Variants in TP53BP2 observed in about 807,000 individuals in gnomAD.
TP53BP2 encodes the protein tumor protein p53 binding protein 2.
Under a neutral mutation model 126.2 loss-of-function variants are expected in TP53BP2, and 62 were observed. The ratio of observed to expected loss-of-function variants is 0.49; its 90% CI spans 0.40 to 0.61. The LOEUF is 0.61. Among genes scored for constraint, TP53BP2 ranks in the 20% least tolerant of loss-of-function variants. The pLI is 0.00. For missense variants in TP53BP2, 1,215 were observed against 1,402.8 expected (o/e 0.87, Z 2.14); for synonymous variants, 485 against 502.9 (o/e 0.96, Z 0.48).
chr1:223,790,660 A>G (rs1366500667), intron 15 of TP53BP2, among the ~76,000 whole-genome samples: 2 of 149,316 alleles, frequency 1.3e-5, no homozygotes, highest in Non-Finnish European at 3.0e-5. Context: ...ACTGGAGTAC[A>G]GCAATGCAAT....
intron 8 of TP53BP2, 172 bp from the exon 9 acceptor site, chr1:223,802,516 A>G (rs1428848308): frequency 3.7e-5 from 31 of 838,142 alleles, no homozygotes; most frequent in Non-Finnish European, 4.9e-5. Context: ...TCTCACCCAC[A>G]CTTTATTACA....
chr1:223,809,587 A>G (rs932844520), intron 4 of TP53BP2, among the ~76,000 whole-genome samples: 1 of 152,102 alleles, frequency 6.6e-6, no homozygotes, highest in African/African-American at 2.4e-5. Flanking sequence ...AAAATAAAAT[A>G]AAAATAAAAA....
chr1:223,791,331 T>C (rs1482150233), intron 15 of TP53BP2, among the ~76,000 whole-genome samples: 2 of 152,100 alleles, frequency 1.3e-5, no homozygotes, highest in Non-Finnish European at 2.9e-5. Context: ...TATTAAAATA[T>C]GAATGGTGTT....
chr1:223,803,240 G>T, intron 7 of TP53BP2, 31 bp downstream of exon 7: 1 of 1,578,506 alleles, frequency 6.3e-7, no homozygotes, highest in Non-Finnish European at 8.6e-7. Flanking sequence ...AAAGGAGGTT[G>T]TACAGCTTTT....
chr1:223,800,577 C>A (rs1662494696), intron 10 of TP53BP2, 123 bp downstream of exon 10: 9 of 674,418 alleles, frequency 1.3e-5, no homozygotes, highest in South Asian at 2.2e-5. Context: ...AGAGTGAGAT[C>A]CTGTCTTTAA....
Position 223,839,012 on chromosome 1 carries a change from C to CTT in TP53BP2, c.27+6640_27+6641dup, listed in dbSNP as rs75469632. Among the ~76,000 whole-genome samples, 353 of 140,736 alleles carry CTT rather than the reference C, an allele frequency of 2.5e-3. 1 individual carries two copies. The highest frequency in any genetic ancestry group is 7.6e-3 in the African/African-American group (294 of 38,698). 92.3% of individuals were successfully genotyped at this position (140,736 alleles called of 152,430 possible). A position where few individuals can be genotyped will look rare whatever the true frequency, so the allele number is the denominator to read the frequency against. On this transcript the variant is annotated intron_variant, in intron 1 of 17. Coordinates refer to ENST00000343537, the MANE Select transcript of TP53BP2 (RefSeq NM_001031685.3). ...TAAGGGACGATGTCTCCATTTTTTTCTTTTTTTTTTTTTTCCATTTTTCCT... is the reference window on the plus strand; with the variant it reads ...TAAGGGACGATGTCTCCATTTTTTTCTTTTTTTTTTTTTTTTCCATTTTTCCT...
chr1:223,800,469 T>C lies in TP53BP2; in HGVS notation c.1336+231A>G, dbSNP rs527236884. 4.6e-5 allele frequency among the ~76,000 whole-genome samples: 7 copies of C among 151,898 alleles called. No individual in the cohort carries two copies. In the East Asian group the frequency reaches 1.4e-3, roughly 29 times the overall value. On this transcript the variant is annotated intron_variant, in intron 10 of 17. Coordinates refer to ENST00000343537, the MANE Select transcript of TP53BP2 (RefSeq NM_001031685.3). ...GGTGGCATGCACCTGTAGTACCAGC[T>C]ACTAGGGAGGCTGAGGTAGGAGAAT...
At position 223,789,035 on chromosome 1, in the gene TP53BP2, AG is replaced by A. The variant is rs767480535; in HGVS notation, c.3135del (p.Tyr1046ThrfsTer17). 2.5e-6 allele frequency: 4 copies of A among 1,614,180 alleles called. No homozygotes were observed. The highest frequency in any genetic ancestry group is 3.4e-6 in the Non-Finnish European group (4 of 1,180,006). Reference protein sequence around the residue: ...AADKCEEMEEGYTQCSQFLYG... With the variant: ...AADKCEEMEEXYTQCSQFLYG... ...TAAAGAAATTGGGAGCACTGAGTGT[AG>A]CCTTCCTCCATTTCCTCGCACTTAT... is the stretch of plus-strand genomic sequence containing the variant. On this transcript the variant is annotated frameshift_variant, in exon 16 of 18. Coordinates refer to ENST00000343537, the MANE Select transcript of TP53BP2 (RefSeq NM_001031685.3). LOFTEE classifies it high-confidence loss of function.
intron 1 of TP53BP2, 101 bp downstream of exon 1, chr1:223,845,551 GCC>G: frequency 7.9e-7 from 1 of 1,264,868 alleles, no homozygotes; most frequent in Non-Finnish European, 1.0e-6. Context: ...GCGGGCTGCG[GCC>G]CCCAGGCTCC....
In TP53BP2 at chr1:223,792,424, A is replaced by C. The variant is rs1662182689; in HGVS notation, c.2961T>G (p.Phe987Leu). ...TATCAGCAGCATTTACATTTACACC[A>C]AACTGTACCAGGAACTTAACGATTT... ...HTEIVKFLVQ[F>L]GVNVNAADSD... is the part of the protein sequence containing the mutation. The change falls in exon 15 of 18, where the codon TTT becomes TTG. Residue 987 changes from phenylalanine (F) to leucine (L), a missense_variant. This residue lies in a region of TP53BP2 where 151 missense variants were observed against 231.2 expected (regional missense o/e 0.65). Coordinates refer to ENST00000343537, the MANE Select transcript of TP53BP2 (RefSeq NM_001031685.3). 1 of 1,613,176 alleles carries C rather than the reference A, an allele frequency of 6.2e-7. No individual in the cohort carries two copies. Among genetic ancestry groups the C allele is most frequent in the Admixed American group, 1.7e-5 (1 of 59,850 alleles).
In TP53BP2 at chr1:223,795,874, C is replaced by T. The variant is rs565603106; in HGVS notation, c.2665G>A (p.Gly889Arg). 3.8e-6 allele frequency: 6 copies of T among 1,594,430 alleles called. No individual in the cohort carries two copies. Among genetic ancestry groups the T allele is most frequent in the Non-Finnish European group, 4.3e-6 (5 of 1,170,698 alleles). The change falls in exon 13 of 18, where the codon GGA becomes AGA. Residue 889 changes from glycine to arginine, a missense_variant. Around this residue, in one of 4 missense-constraint regions of TP53BP2, gnomAD observed 204 missense variants for 225.7 expected, o/e 0.90. Coordinates refer to ENST00000343537, the MANE Select transcript of TP53BP2 (RefSeq NM_001031685.3). ...GGGCGCATGCTCACCGAGTCTTCTC[C>T]GGGCCCTTCAGGCTCCCCAGATGGG... The part of the protein sequence containing the change: ...PYPSGEPEGP[G>R]EDSVSMRPPE...
chr1:223,817,925 CAAAAA>C (rs770941359), intron 2 of TP53BP2, among the ~76,000 whole-genome samples: 2 of 62,078 alleles, frequency 3.2e-5, no homozygotes. Flanking sequence ...GACTCAGTCT[CAAAAA>C]AAAAAAAAAA....
chr1:223,842,561 T>C (rs1664137912), intron 1 of TP53BP2, among the ~76,000 whole-genome samples: 1 of 152,240 alleles, frequency 6.6e-6, no homozygotes, highest in South Asian at 2.1e-4. Context: ...CTGTGTAGTT[T>C]TGTAAATAAT....
intron 5 of TP53BP2, among the ~76,000 whole-genome samples, chr1:223,805,602 A>G (rs1662687825): frequency 6.6e-6 from 1 of 152,254 alleles, no homozygotes; most frequent in Non-Finnish European, 1.5e-5. Context: ...CACTGCCTTG[A>G]GAACTGCCTT....
rs1661720749 is a variant in TP53BP2, at chr1:223,780,154, A to G, written c.*699T>C. ...ATGATCTTGACAAATATTACGGGTA[A>G]GTCTGTAGCAAGTTTCTAATTTCTG... On this transcript the variant is annotated 3_prime_UTR_variant, in exon 18 of 18. Coordinates refer to ENST00000343537, the MANE Select transcript of TP53BP2 (RefSeq NM_001031685.3). 6.6e-6 allele frequency: 1 copy of G among 152,250 alleles called. No homozygotes were observed. Among genetic ancestry groups the G allele is most frequent in the African/African-American group, 2.4e-5 (1 of 41,460 alleles). The allele number at this position is 152,250 out of a possible 1,614,324, so 9.4% of individuals were successfully genotyped here.
intron 1 of TP53BP2, among the ~76,000 whole-genome samples, chr1:223,843,521 G>C (rs930375968): frequency 6.6e-6 from 1 of 152,136 alleles, no homozygotes; most frequent in African/African-American, 2.4e-5. Context: ...ATTATCTTCA[G>C]AATGCCTTTA....
chr1:223,820,568 C>T (rs1175099411), intron 2 of TP53BP2, among the ~76,000 whole-genome samples: 2 of 152,178 alleles, frequency 1.3e-5, no homozygotes, highest in African/African-American at 4.8e-5. Flanking sequence ...AGTTAGCTAT[C>T]ATGAATGGCA....
intron 1 of TP53BP2, among the ~76,000 whole-genome samples, chr1:223,833,693 G>A (rs973000657): frequency 2.6e-5 from 4 of 152,282 alleles, no homozygotes; most frequent in Middle Eastern, 3.4e-3. Flanking sequence ...CCATGCCAAA[G>A]AAGCTCCTGG....
chr1:223,801,782 T>C (rs552285308), intron 9 of TP53BP2, among the ~76,000 whole-genome samples: 9 of 152,324 alleles, frequency 5.9e-5, no homozygotes, highest in South Asian at 4.1e-4. Context: ...CATATGTTTT[T>C]ACCCAAAAAG....
Sources: gnomAD v4.1 joint callset for allele counts (sites outside exome capture counted in the v4.1 genomes callset) on GRCh38, gnomAD v4.1.1 for gene constraint, gnomAD v4.1.1 regional missense constraint, MANE v1.5 for transcripts, NCBI Gene and HGNC (gene_info 2026-07-23, HGNC 2026-07-21) for gene names.